ZNF804B: variants seen among roughly 807,000 people sequenced by gnomAD.
The protein encoded by ZNF804B is zinc finger 804B.
ZNF804B carries 80 observed loss-of-function variants against 101.4 expected under a neutral mutation model. The ratio of observed to expected loss-of-function variants is 0.79; its 90% CI spans 0.66 to 0.95. The LOEUF is 0.95. Among genes scored for constraint, ZNF804B ranks in the 40% least tolerant of loss-of-function variants. ZNF804B has a pLI of 0.00. For synonymous variants in ZNF804B, 622 were observed against 558.8 expected (o/e 1.11, Z -1.59); for missense variants, 1,673 against 1,561.9 (o/e 1.07, Z -1.20).
intron 1 of ZNF804B, among the ~76,000 whole-genome samples, chr7:89,042,454 C>T (rs1789028941): frequency 6.6e-6 from 1 of 152,054 alleles, no homozygotes; most frequent in Non-Finnish European, 1.5e-5. Flanking sequence ...AGTTCAGACA[C>T]TGAAAATGAT....
chr7:88,923,815 A>G (rs1485059274), intron 1 of ZNF804B, among the ~76,000 whole-genome samples: 1 of 152,132 alleles, frequency 6.6e-6, no homozygotes, highest in Non-Finnish European at 1.5e-5. Context: ...AGTTTATTTT[A>G]CAAAAATAAG....
intron 1 of ZNF804B, among the ~76,000 whole-genome samples, chr7:88,985,707 A>G (rs1011712275): frequency 6.6e-6 from 1 of 152,120 alleles, no homozygotes; most frequent in Admixed American, 6.6e-5. Context: ...GAACCAACAT[A>G]CTTTGTATAT....
At chr7:89,142,633 C>G (rs758957278) in intron 1 of ZNF804B, among the ~76,000 whole-genome samples, 4 of 151,998 alleles carry the variant, frequency 2.6e-5, no homozygotes, top group Non-Finnish European at 5.9e-5. Flanking sequence ...ATTAAAAGCT[C>G]TACTGTTGCC....
intron 2 of ZNF804B, among the ~76,000 whole-genome samples, chr7:89,301,637 A>C (rs1255667527): frequency 6.6e-6 from 1 of 151,910 alleles, no homozygotes; most frequent in African/African-American, 2.4e-5. Context: ...AGTCTTTCAC[A>C]GGACATATTA....
intron 1 of ZNF804B, among the ~76,000 whole-genome samples, chr7:89,154,433 T>A (rs1389413884): frequency 6.6e-6 from 1 of 152,098 alleles, no homozygotes; most frequent in Non-Finnish European, 1.5e-5. Flanking sequence ...GCAGCACTGT[T>A]TACAATAGCC....
chr7:89,281,300 G>A (rs904836121), intron 2 of ZNF804B, among the ~76,000 whole-genome samples: 6 of 152,124 alleles, frequency 3.9e-5, no homozygotes, highest in African/African-American at 1.4e-4. Flanking sequence ...ATTATTTTAT[G>A]AGAGAGTCTT....
At chr7:88,938,625 A>C (rs1793008706) in intron 1 of ZNF804B, among the ~76,000 whole-genome samples, 1 of 152,002 alleles carries the variant, frequency 6.6e-6, no homozygotes, top group Admixed American at 6.6e-5. Flanking sequence ...AAGATTAAAA[A>C]ATCAGTTTAG....
intron 2 of ZNF804B, among the ~76,000 whole-genome samples, chr7:89,285,132 T>G (rs1288194712): frequency 6.6e-6 from 1 of 152,024 alleles, no homozygotes. Flanking sequence ...GGCAGGAGGA[T>G]AGCTTGAGTC....
At chr7:88,812,606 G>C (rs1384693359) in intron 1 of ZNF804B, among the ~76,000 whole-genome samples, 2 of 152,180 alleles carry the variant, frequency 1.3e-5, no homozygotes, top group East Asian at 1.9e-4. Context: ...AGAAGTGGAA[G>C]CAACACAACT....
chr7:88,996,479 C>T (rs576622988), intron 1 of ZNF804B, among the ~76,000 whole-genome samples: 1 of 152,146 alleles, frequency 6.6e-6, no homozygotes, highest in East Asian at 1.9e-4. Flanking sequence ...TCTTAATGAA[C>T]AGATTTATGG....
chr7:88,973,668 A>G (rs1035656267), intron 1 of ZNF804B, among the ~76,000 whole-genome samples: 5 of 151,430 alleles, frequency 3.3e-5, no homozygotes, highest in Middle Eastern at 3.4e-3. Flanking sequence ...ACAGTGACCT[A>G]TGCTTTTGAT....
intron 1 of ZNF804B, among the ~76,000 whole-genome samples, chr7:89,129,163 C>T (rs895213443): frequency 5.3e-5 from 8 of 151,956 alleles, no homozygotes; most frequent in African/African-American, 1.9e-4. Context: ...TTCAGGACAT[C>T]ATTTGAAGAC....
At chr7:88,854,414 C>CCTTTCT (rs1554340150) in intron 1 of ZNF804B, among the ~76,000 whole-genome samples, 1 of 57,076 alleles carries the variant, frequency 1.8e-5, no homozygotes, top group African/African-American at 6.3e-5. Flanking sequence ...TTTCTTTCTT[C>CCTTTCT]CTTTCTTTCT....
chr7:89,040,179 T>C (rs796069282), intron 1 of ZNF804B, among the ~76,000 whole-genome samples: 14 of 152,182 alleles, frequency 9.2e-5, no homozygotes, highest in African/African-American at 3.1e-4. Context: ...TTTTATCCTT[T>C]ATTTCTTTTT....
intron 1 of ZNF804B, among the ~76,000 whole-genome samples, chr7:89,171,282 G>GCTTCTTCTTCTTCTTCTT (rs1491140157): frequency 1.0e-5 from 1 of 95,488 alleles, no homozygotes; most frequent in African/African-American, 4.6e-5. Context: ...AAATAATGCT[G>GCTTCTTCTTCTTCTTCTT]CTGCTGCTTC....
intron 2 of ZNF804B, among the ~76,000 whole-genome samples, chr7:89,323,795 T>A (rs539557835): frequency 1.3e-5 from 2 of 152,110 alleles, no homozygotes; most frequent in Non-Finnish European, 2.9e-5. Flanking sequence ...TTCTGAAATA[T>A]GTATGCCATG....
intron 1 of ZNF804B, among the ~76,000 whole-genome samples, chr7:89,085,258 A>G (rs1789780263): frequency 6.6e-6 from 1 of 151,938 alleles, no homozygotes; most frequent in African/African-American, 2.4e-5. Context: ...GCACACTTCA[A>G]GATTTATTAC....
intron 1 of ZNF804B, among the ~76,000 whole-genome samples, chr7:88,836,191 AAAG>A (rs1222943107): frequency 2.6e-5 from 4 of 151,938 alleles, no homozygotes; most frequent in Non-Finnish European, 5.9e-5. Flanking sequence ...CAGGTTCCAA[AAAG>A]AAGAATTGTT....
intron 1 of ZNF804B, among the ~76,000 whole-genome samples, chr7:88,916,039 A>G (rs898541725): frequency 3.9e-5 from 6 of 151,998 alleles, no homozygotes; most frequent in African/African-American, 1.4e-4. Flanking sequence ...AAGAAAGCAA[A>G]ATGTATCTGT....
Sources: gnomAD v4.1 joint callset for allele counts (sites outside exome capture counted in the v4.1 genomes callset) on GRCh38, gnomAD v4.1.1 for gene constraint, MANE v1.5 for transcripts, NCBI Gene and HGNC (gene_info 2026-07-23, HGNC 2026-07-21) for gene names.